Variants in SNX29 observed in about 807,000 individuals in gnomAD.
SNX29 encodes sorting nexin-29.
Under a neutral mutation model 102.1 loss-of-function variants are expected in SNX29, and 78 were observed. The ratio of observed to expected loss-of-function variants is 0.76; its 90% confidence interval spans 0.64 to 0.92. The LOEUF is 0.92. Ranked by LOEUF, SNX29 falls within the 40% of genes least tolerant of loss-of-function variation. The pLI, the probability that SNX29 is intolerant of heterozygous loss-of-function variation, is 0.00. For synonymous variants in SNX29, 580 were observed against 414.5 expected, an observed-to-expected ratio of 1.40 and a Z score of -4.85; for missense variants, 1,280 against 1,061.7, an observed-to-expected ratio of 1.21 and a Z score of -2.86.
At chr16:12,401,180 G>A (rs574191541) in intron 17 of SNX29, among the ~76,000 whole-genome samples, 1 of 151,992 alleles carries the variant, frequency 6.6e-6, no homozygotes, top group South Asian at 2.1e-4. Flanking sequence ...AGATCAGTAA[G>A]GGGTTAGAAG....
chr16:12,502,947 C>G (rs750826192), intron 19 of SNX29, among the ~76,000 whole-genome samples: 3 of 152,236 alleles, frequency 2.0e-5, no homozygotes, highest in Non-Finnish European at 2.9e-5. Context: ...GAAGCACTCA[C>G]GTTGCTGCAT....
chr16:12,418,185 T>G (rs752446979), intron 18 of SNX29, among the ~76,000 whole-genome samples: 12 of 152,214 alleles, frequency 7.9e-5, no homozygotes, highest in Non-Finnish European at 1.6e-4. Flanking sequence ...TTAAAATTGA[T>G]GTTAATTGGC....
At chr16:12,402,325 C>T (rs568090282) in intron 17 of SNX29, among the ~76,000 whole-genome samples, 9 of 152,312 alleles carry the variant, frequency 5.9e-5, no homozygotes, top group African/African-American at 1.4e-4. Flanking sequence ...AACATTGAGT[C>T]GTGGAATCTT....
chr16:12,475,977 T>A (rs2087573047), intron 18 of SNX29, among the ~76,000 whole-genome samples: 1 of 152,016 alleles, frequency 6.6e-6, no homozygotes, highest in Non-Finnish European at 1.5e-5. Flanking sequence ...CCAAGGGAAG[T>A]TTGGACTTTT....
chr16:12,550,868 C>A (rs1320313904), intron 20 of SNX29, among the ~76,000 whole-genome samples: 1 of 152,172 alleles, frequency 6.6e-6, no homozygotes, highest in Non-Finnish European at 1.5e-5. Flanking sequence ...GATAGACTTT[C>A]TGGGAGGAAA....
intron 18 of SNX29, among the ~76,000 whole-genome samples, chr16:12,451,371 A>G (rs1056404962): frequency 2.6e-5 from 4 of 152,224 alleles, no homozygotes; most frequent in African/African-American, 7.2e-5. Flanking sequence ...AAAGCAATCC[A>G]TGGAGCTGGG....
chr16:12,452,878 G>T (rs140870016), intron 18 of SNX29, among the ~76,000 whole-genome samples: 1 of 152,280 alleles, frequency 6.6e-6, no homozygotes, highest in East Asian at 1.9e-4. Flanking sequence ...ATTGCTCCTT[G>T]TTCTGACTGC....
At chr16:12,144,775 G>A (rs2054995000) in intron 13 of SNX29, among the ~76,000 whole-genome samples, 1 of 152,234 alleles carries the variant, frequency 6.6e-6, no homozygotes, top group South Asian at 2.1e-4. Flanking sequence ...AGGCTGGACT[G>A]CAATGGCGCG....
intron 13 of SNX29, among the ~76,000 whole-genome samples, chr16:12,146,022 G>T (rs537946904): frequency 6.6e-6 from 1 of 152,316 alleles, no homozygotes; most frequent in African/African-American, 2.4e-5. Flanking sequence ...CAAGAAAGCG[G>T]CCTCTCTTTT....
At chr16:12,428,666 T>A (rs2085183777) in intron 18 of SNX29, among the ~76,000 whole-genome samples, 1 of 152,200 alleles carries the variant, frequency 6.6e-6, no homozygotes, top group East Asian at 1.9e-4. Flanking sequence ...GCAATTAATA[T>A]CTCCTTCTAG....
chr16:12,031,828 C>A (rs1490482396), intron 4 of SNX29, among the ~76,000 whole-genome samples: 2 of 149,654 alleles, frequency 1.3e-5, no homozygotes, highest in African/African-American at 2.5e-5. Context: ...GCAAAACGAA[C>A]AAAAAAAAAA....
intron 18 of SNX29, among the ~76,000 whole-genome samples, chr16:12,453,882 A>G (rs1018819167): frequency 6.6e-6 from 1 of 152,168 alleles, no homozygotes; most frequent in African/African-American, 2.4e-5. Context: ...CCTTCCATCA[A>G]GATGTGGTAA....
intron 15 of SNX29, among the ~76,000 whole-genome samples, chr16:12,301,028 C>T (rs181062467): frequency 2.0e-5 from 3 of 152,302 alleles, no homozygotes; most frequent in Admixed American, 6.5e-5. Context: ...TGTGCGTCTG[C>T]GGTTTTCTCC....
intron 14 of SNX29, among the ~76,000 whole-genome samples, chr16:12,227,076 G>C (rs1350230882): frequency 1.3e-5 from 2 of 152,206 alleles, no homozygotes; most frequent in African/African-American, 4.8e-5. Context: ...GATGAGGCTG[G>C]AGACTCCCTG....
intron 19 of SNX29, among the ~76,000 whole-genome samples, chr16:12,490,642 G>A (rs1300193588): frequency 6.6e-6 from 1 of 152,160 alleles, no homozygotes; most frequent in African/African-American, 2.4e-5. Flanking sequence ...TCCCAAAGCA[G>A]CCATACGGTG....
chr16:12,265,945 C>T (rs1050306986), intron 14 of SNX29, among the ~76,000 whole-genome samples: 1 of 152,016 alleles, frequency 6.6e-6, no homozygotes, highest in African/African-American at 2.4e-5. Flanking sequence ...AAAGTAATTT[C>T]TATTTTTCTC....
At chr16:12,421,117 A>G (rs1295032083) in intron 18 of SNX29, among the ~76,000 whole-genome samples, 2 of 152,222 alleles carry the variant, frequency 1.3e-5, no homozygotes, top group African/African-American at 4.8e-5. Flanking sequence ...GCCTAAGGTC[A>G]TAGCTGGGAA....
At chr16:12,039,238 G>A in intron 4 of SNX29, among the ~76,000 whole-genome samples, 1 of 152,222 alleles carries the variant, frequency 6.6e-6, no homozygotes, top group Non-Finnish European at 1.5e-5. Context: ...TCATGGACTG[G>A]GCACTGTGCT....
At chr16:12,412,657 G>C (rs1485449445) in intron 18 of SNX29, among the ~76,000 whole-genome samples, 1 of 152,208 alleles carries the variant, frequency 6.6e-6, no homozygotes, top group Non-Finnish European at 1.5e-5. Context: ...CTGTGTGTGC[G>C]TGCATACGTG....
Sources: gnomAD v4.1 joint callset for allele counts (sites outside exome capture counted in the v4.1 genomes callset) on GRCh38, gnomAD v4.1.1 for gene constraint, MANE v1.5 for transcripts, NCBI Gene and HGNC (gene_info 2026-07-23, HGNC 2026-07-21) for gene names.